Variants in BPTF observed in about 807,000 individuals in gnomAD.
The protein encoded by BPTF is nucleosome-remodeling factor subunit BPTF.
BPTF carries 18 observed loss-of-function variants against 292.5 expected under a neutral mutation model. That is an observed-to-expected ratio of 0.06 (90% CI 0.04 to 0.09). BPTF has a LOEUF of 0.09. BPTF is among the 10% of genes least tolerant of loss of function. The probability of loss-of-function intolerance (pLI) is 1.00; values close to 1 mark genes in which losing one functional copy is unlikely to be tolerated. For synonymous variants in BPTF, 1,225 were observed against 1,251.9 expected (o/e 0.98, Z 0.45); for missense variants, 2,726 against 3,498.7 (o/e 0.78, Z 5.57).
At chr17:67,939,572 C>T (rs1047408518) in intron 18 of BPTF, among the ~76,000 whole-genome samples, 2 of 152,178 alleles carry the variant, frequency 1.3e-5, no homozygotes, top group Admixed American at 6.5e-5. Flanking sequence ...ATTTATTGAA[C>T]AATTACTATG....
rs1312962861 is a variant in BPTF at position 67,866,542 on chromosome 17, C to T, written c.1515C>T (p.Asp505=). 2 of 1,613,940 alleles carry T rather than the reference C, an allele frequency of 1.2e-6. No homozygotes were observed. The highest frequency in any genetic ancestry group is 1.7e-6 in the Non-Finnish European group (2 of 1,179,990). Residue 505 remains aspartate, a synonymous_variant, in exon 3 of 28, where the codon GAC becomes GAT. Coordinates refer to ENST00000306378, the MANE Select transcript of BPTF (RefSeq NM_182641.4). ...STKVQLAELI[D]CLDKDYWEAE... ...AGGTCCAACTTGCAGAATTAATTGA[C>T]TGTCTAGACAAAGATTATTGGGAAG...
At position 67,898,753 on chromosome 17, in the gene BPTF, C is replaced by CA. The variant is rs967175267; in HGVS notation, c.2543+4594dup. Among the ~76,000 whole-genome samples, 6 of 142,174 alleles carry CA rather than the reference C, an allele frequency of 4.2e-5. No homozygotes were observed. The Admixed American group carries it at 4.3e-4, about 10-fold the overall frequency. 93.3% of individuals were successfully genotyped at this position (142,174 alleles called of 152,430 possible). ...CATTCCCAATAACATTCAGGTGGAA[C>CA]AAAAAAGATACCCACTATTGGCCAG... is the stretch of plus-strand genomic sequence containing the variant. On this transcript the variant is annotated intron_variant, in intron 7 of 27. Transcript: ENST00000306378.
intron 2 of BPTF, among the ~76,000 whole-genome samples, chr17:67,856,133 ACTTT>A (rs373459164): frequency 6.6e-6 from 1 of 151,676 alleles, no homozygotes; most frequent in Non-Finnish European, 1.5e-5. Context: ...TGGTCTTCTG[ACTTT>A]CTTATCATTT....
chr17:67,869,854 T>G (rs1266862840), intron 3 of BPTF, among the ~76,000 whole-genome samples: 5 of 132,876 alleles, frequency 3.8e-5, no homozygotes, highest in Non-Finnish European at 7.9e-5. Flanking sequence ...AAAAAAAAAT[T>G]AGCCAGGCGT....
intron 1 of BPTF, among the ~76,000 whole-genome samples, chr17:67,834,121 C>T (rs1267877223): frequency 6.6e-6 from 1 of 152,178 alleles, no homozygotes; most frequent in Non-Finnish European, 1.5e-5. Context: ...GATCACCATT[C>T]CCTTTACCGC....
Position 67,983,685 on chromosome 17 carries a change from T to C in BPTF, c.*1397T>C, listed in dbSNP as rs1325410773. The C allele has an allele frequency of 1.3e-5, 2 of 152,690 alleles. No homozygotes were observed. The highest frequency in any genetic ancestry group is 1.9e-4 in the East Asian group (1 of 5,204). 9.5% of individuals were successfully genotyped at this position (152,690 alleles called of 1,614,324 possible). A position where few individuals can be genotyped will look rare whatever the true frequency, so the allele number is the denominator to read the frequency against. On this transcript the variant is annotated 3_prime_UTR_variant, in exon 28 of 28. Transcript: ENST00000306378. ...GTAATAGCTTCTATAAAATCTGCCA[T>C]AGTTGGATTATGCAGCTTTGCAAAA... is the stretch of plus-strand genomic sequence containing the variant.
chr17:67,981,015 C>T (rs751030598), intron 27 of BPTF, among the ~76,000 whole-genome samples: 23 of 152,036 alleles, frequency 1.5e-4, no homozygotes, highest in African/African-American at 5.3e-4. Flanking sequence ...AAAAATTAGC[C>T]GGGCATGGTG....
intron 17 of BPTF, among the ~76,000 whole-genome samples, chr17:67,931,231 C>T (rs2064359332): frequency 1.3e-5 from 2 of 152,146 alleles, no homozygotes. Flanking sequence ...TGCCACTGTA[C>T]TCCAGCCTGG....
chr17:67,936,358 G>T (rs1341084233), intron 18 of BPTF, among the ~76,000 whole-genome samples: 1 of 152,162 alleles, frequency 6.6e-6, no homozygotes, highest in African/African-American at 2.4e-5. Context: ...CTAGGAAAGA[G>T]AACTAATATA....
intron 7 of BPTF, among the ~76,000 whole-genome samples, chr17:67,902,072 C>T (rs2061880516): frequency 6.6e-6 from 1 of 152,190 alleles, no homozygotes; most frequent in African/African-American, 2.4e-5. Flanking sequence ...CAGCATGCTA[C>T]TCTGGGATAG....
intron 7 of BPTF, among the ~76,000 whole-genome samples, chr17:67,901,478 T>C (rs1301537255): frequency 1.3e-5 from 2 of 152,202 alleles, no homozygotes; most frequent in African/African-American, 4.8e-5. Flanking sequence ...AATGTTATTG[T>C]AATCAAAGTC....
chr17:67,891,123 G>A (rs987211895), intron 4 of BPTF, among the ~76,000 whole-genome samples: 7 of 151,962 alleles, frequency 4.6e-5, no homozygotes, highest in Non-Finnish European at 1.0e-4. Context: ...TTGAGGCTGA[G>A]GTGAACTGAG....
chr17:67,933,715 A>G (rs1423139630), intron 18 of BPTF, among the ~76,000 whole-genome samples: 1 of 152,192 alleles, frequency 6.6e-6, no homozygotes, highest in East Asian at 1.9e-4. Context: ...GCCACAATTA[A>G]ACTATGTATC....
At chr17:67,947,640 T>C (rs1274199061) in intron 21 of BPTF, 86 bp from the exon 22 acceptor site, 4 of 1,000,548 alleles carry the variant, frequency 4.0e-6, no homozygotes, top group African/African-American at 3.3e-5. Context: ...AAAACACATA[T>C]GTGCTCAAAT....
At chr17:67,934,870 C>CAAAGAAAAAA in intron 18 of BPTF, among the ~76,000 whole-genome samples, 1 of 91,052 alleles carries the variant, frequency 1.1e-5, no homozygotes, top group African/African-American at 5.7e-5. Flanking sequence ...AACTCTGTCT[C>CAAAGAAAAAA]AAAAAAAAAA....
At position 67,842,250 on chromosome 17, in the gene BPTF, T is replaced by A. The variant is rs1452142906; in HGVS notation, c.614-11690T>A. On this transcript the variant is annotated intron_variant, in intron 1 of 27. Transcript: ENST00000306378. ...ATATATCTACATACATTGACAGATATATATCTACATACATATACAATGCAT... is the reference window on the plus strand; with the variant it reads ...ATATATCTACATACATTGACAGATAAATATCTACATACATATACAATGCAT... Among the ~76,000 whole-genome samples, 2 of 152,308 alleles carry A rather than the reference T, an allele frequency of 1.3e-5. 1 individual carries two copies. The highest frequency in any genetic ancestry group is 1.3e-4 in the Admixed American group (2 of 15,292).
At chr17:67,981,510 C>T in intron 27 of BPTF, 1 of 1,154,450 alleles carries the variant, frequency 8.7e-7, no homozygotes, top group South Asian at 1.8e-5. Flanking sequence ...TTTTATTGTA[C>T]CTCGTGATTA....
In BPTF at chr17:67,854,862, C is replaced by G. The variant is rs931178752; in HGVS notation, c.1436+100C>G. ...GCTATGCTGTTGATGTGGTATAAAC[C>G]TTTGTAACTTAATAGTTATACAGTT... is the stretch of plus-strand genomic sequence containing the variant. On this transcript the variant is annotated intron_variant, in intron 2 of 27. Coordinates refer to ENST00000306378, the MANE Select transcript of BPTF (RefSeq NM_182641.4). This position sits in a 1 kb window ranked among gnomAD's most constrained non-coding sequence, Gnocchi z 5.6. The G allele has an allele frequency of 1.3e-5, 10 of 772,910 alleles. No individual in the cohort carries two copies. The highest frequency in any genetic ancestry group is 1.8e-5 in the African/African-American group (1 of 56,766). 47.9% of individuals were successfully genotyped at this position (772,910 alleles called of 1,614,324 possible).
chr17:67,977,575 T>C (rs2069661748), intron 27 of BPTF: 1 of 150,642 alleles, frequency 6.6e-6, no homozygotes, highest in Non-Finnish European at 1.5e-5. Flanking sequence ...CTTTTAATAA[T>C]GTATCTTCCT....
Sources: gnomAD v4.1 joint callset for allele counts (sites outside exome capture counted in the v4.1 genomes callset) on GRCh38, gnomAD v4.1.1 for gene constraint, Gnocchi (gnomAD v3.1) non-coding constraint, MANE v1.5 for transcripts, NCBI Gene and HGNC (gene_info 2026-07-23, HGNC 2026-07-21) for gene names.